HIPK2: variants seen among roughly 807,000 people sequenced by gnomAD.
HIPK2 encodes the protein homeodomain interacting protein kinase 2, also known as homeodomain-interacting protein kinase 2.
A neutral mutation model predicts 113.7 loss-of-function variants in HIPK2; 27 were observed. The ratio of observed to expected loss-of-function variants is 0.24; its 90% CI spans 0.17 to 0.33. HIPK2 has a LOEUF of 0.33. HIPK2 is among the 10% of genes least tolerant of loss of function. The pLI is 1.00. For synonymous variants in HIPK2, 631 were observed against 642.2 expected (o/e 0.98, Z 0.26); for missense variants, 1,257 against 1,588.0 (o/e 0.79, Z 3.54).
intron 2 of HIPK2, among the ~76,000 whole-genome samples, chr7:139,636,351 C>T (rs1800813183): frequency 6.6e-6 from 1 of 151,810 alleles, no homozygotes; most frequent in Non-Finnish European, 1.5e-5. Context: ...TCCACCCAGC[C>T]CTAGATAATT....
intron 2 of HIPK2, among the ~76,000 whole-genome samples, chr7:139,648,727 C>T (rs1259802419): frequency 6.6e-6 from 1 of 152,090 alleles, no homozygotes; most frequent in Non-Finnish European, 1.5e-5. Context: ...CGGAGGACGG[C>T]TCTTGGGATT....
chr7:139,687,100 C>T (rs768355675), intron 2 of HIPK2, among the ~76,000 whole-genome samples: 13 of 152,162 alleles, frequency 8.5e-5, no homozygotes, highest in Non-Finnish European at 1.9e-4. Context: ...GTATTTTATT[C>T]ATTCATTCAT....
At chr7:139,699,739 A>G (rs1192233524) in intron 2 of HIPK2, among the ~76,000 whole-genome samples, 1 of 152,214 alleles carries the variant, frequency 6.6e-6, no homozygotes, top group African/African-American at 2.4e-5. Context: ...TGTCACCTGC[A>G]TCCCTCCCAT....
intron 2 of HIPK2, among the ~76,000 whole-genome samples, chr7:139,687,284 T>C (rs1794254045): frequency 6.6e-6 from 1 of 152,162 alleles, no homozygotes; most frequent in African/African-American, 2.4e-5. Context: ...TGTGCAATTT[T>C]TTAGACATGA....
At chr7:139,666,168 A>C (rs1003061364) in intron 2 of HIPK2, among the ~76,000 whole-genome samples, 1 of 152,174 alleles carries the variant, frequency 6.6e-6, no homozygotes, top group Non-Finnish European at 1.5e-5. Flanking sequence ...ATAATTCACT[A>C]GTGTACTGAA....
At position 139,683,774 on chromosome 7, in the gene HIPK2, A is replaced by G. The variant is rs1029489574; in HGVS notation, c.1103+32158T>C. On this transcript the variant is annotated intron_variant, in intron 2 of 14. Transcript: ENST00000406875. The surrounding 1 kb of genome is among the most constrained non-coding windows in gnomAD (Gnocchi z 4.2). Reference sequence around the variant, plus strand: ...TTTCCAGAGTAAAATAGATAGATTCATTATTCTGTATTACACCAACAGTTA... The same window carrying G: ...TTTCCAGAGTAAAATAGATAGATTCGTTATTCTGTATTACACCAACAGTTA... 6.6e-6 allele frequency among the ~76,000 whole-genome samples: 1 copy of G among 152,144 alleles called. No individual in the cohort carries two copies. Among genetic ancestry groups the G allele is most frequent in the Non-Finnish European group, 1.5e-5 (1 of 68,032 alleles).
chr7:139,586,319 CAA>C (rs1220018741), intron 12 of HIPK2, among the ~76,000 whole-genome samples: 1 of 152,088 alleles, frequency 6.6e-6, no homozygotes, highest in African/African-American at 2.4e-5. Context: ...AGTACATTCT[CAA>C]AGGATTGGAA....
intron 2 of HIPK2, among the ~76,000 whole-genome samples, chr7:139,671,887 G>A (rs1267922409): frequency 2.0e-5 from 3 of 152,164 alleles, no homozygotes; most frequent in African/African-American, 7.2e-5. Flanking sequence ...ATGCATTTAT[G>A]AGAAATGGTC....
rs948231200 is a variant in HIPK2 at position 139,597,056 on chromosome 7, G to A, written c.2436-58C>T. On this transcript the variant is annotated intron_variant, in intron 11 of 14. Coordinates refer to ENST00000406875, the MANE Select transcript of HIPK2 (RefSeq NM_022740.5). ...GAAGGTCAGGCCCCACAACTCCTTC[G>A]AAGGAGCCCAATTGCCTAGAAACAC... is the stretch of plus-strand genomic sequence containing the variant. 12 of 1,522,940 alleles carry A rather than the reference G, an allele frequency of 7.9e-6. No homozygotes were observed. The African/African-American group carries it at 9.6e-5, about 12-fold the overall frequency. 94.3% of individuals were successfully genotyped at this position (1,522,940 alleles called of 1,614,324 possible).
At chr7:139,692,094 G>A (rs1384841150) in intron 2 of HIPK2, among the ~76,000 whole-genome samples, 1 of 152,178 alleles carries the variant, frequency 6.6e-6, no homozygotes. Context: ...ACAGTAGATG[G>A]ACAGCTTTTT....
At chr7:139,719,262 A>G (rs1795338477) in intron 1 of HIPK2, among the ~76,000 whole-genome samples, 1 of 151,898 alleles carries the variant, frequency 6.6e-6, no homozygotes. Context: ...GTGCGCCACC[A>G]CGCCCAGCTA....
intron 1 of HIPK2, among the ~76,000 whole-genome samples, chr7:139,760,430 G>A (rs922638442): frequency 1.3e-5 from 2 of 152,176 alleles, no homozygotes; most frequent in African/African-American, 2.4e-5. Flanking sequence ...CAAACTGGGT[G>A]ACATGCTCTC....
At chr7:139,611,374 T>C (rs112449848) in intron 9 of HIPK2, among the ~76,000 whole-genome samples, 217 of 152,320 alleles carry the variant, frequency 1.4e-3, no homozygotes, top group African/African-American at 5.0e-3. Context: ...ATGGAGTTTA[T>C]ATCATAAATA....
chr7:139,761,585 G>C (rs1172225481), intron 1 of HIPK2, among the ~76,000 whole-genome samples: 1 of 152,214 alleles, frequency 6.6e-6, no homozygotes, highest in African/African-American at 2.4e-5. Context: ...TCACACTCTA[G>C]CAGGTCAGAG....
In HIPK2 at chr7:139,773,400, G is replaced by A. The variant is rs143408914; in HGVS notation, c.19+4205C>T. Among the ~76,000 whole-genome samples, 56 of 152,288 alleles carry A rather than the reference G, an allele frequency of 3.7e-4. No individual in the cohort carries two copies. In the East Asian group the frequency reaches 9.2e-3, roughly 25 times the overall value. On this transcript the variant is annotated intron_variant, in intron 1 of 14. Transcript: ENST00000406875. ...CCTTTCAAGTTCACATCCCATCGGTGGTTATATAAAGTCTACTGCCATTAT... is the reference window on the plus strand; with the variant it reads ...CCTTTCAAGTTCACATCCCATCGGTAGTTATATAAAGTCTACTGCCATTAT...
intron 1 of HIPK2, among the ~76,000 whole-genome samples, chr7:139,727,875 A>G (rs915301439): frequency 2.0e-5 from 3 of 152,182 alleles, no homozygotes; most frequent in African/African-American, 7.2e-5. Context: ...TGATGGGATC[A>G]ATGAAAAGAA....
At chr7:139,580,897 C>CT (rs947714403) in intron 13 of HIPK2, among the ~76,000 whole-genome samples, 14 of 152,298 alleles carry the variant, frequency 9.2e-5, no homozygotes, top group Middle Eastern at 3.4e-3. Flanking sequence ...TTATTGAACT[C>CT]TGTCTCCTGG....
At chr7:139,739,034 C>T (rs929235515) in intron 1 of HIPK2, among the ~76,000 whole-genome samples, 2 of 152,190 alleles carry the variant, frequency 1.3e-5, no homozygotes, top group African/African-American at 4.8e-5. Flanking sequence ...GATAAATTTT[C>T]TGACTTCTTT....
At chr7:139,739,265 TCA>T (rs148052352) in intron 1 of HIPK2, among the ~76,000 whole-genome samples, 2,064 of 152,206 alleles carry the variant, frequency 0.014, 46 homozygotes, top group African/African-American at 0.047. Context: ...ACATAACAAC[TCA>T]CATACCATAA....
Sources: allele counts gnomAD v4.1 joint callset (sites outside exome capture counted in the v4.1 genomes callset), GRCh38; gene constraint gnomAD v4.1.1; non-coding constraint Gnocchi (gnomAD v3.1); transcripts MANE v1.5; gene names NCBI Gene and HGNC (gene_info 2026-07-23, HGNC 2026-07-21).